TRMT2B: variants seen among roughly 807,000 people sequenced by gnomAD.
TRMT2B encodes tRNA (uracil-5-)-methyltransferase homolog B.
A neutral mutation model predicts 39.7 loss-of-function variants in TRMT2B; 34 were observed. The ratio of observed to expected loss-of-function variants is 0.86; its 90% CI spans 0.65 to 1.14. The LOEUF (loss-of-function observed/expected upper bound fraction) is 1.14. Ranked by LOEUF, TRMT2B falls within the 50% of genes most tolerant of loss-of-function variation. The probability of loss-of-function intolerance (pLI) is 0.00; values close to 1 mark genes in which losing one functional copy is unlikely to be tolerated. For synonymous variants in TRMT2B, 132 were observed against 137.3 expected, an observed-to-expected ratio of 0.96 and a Z score of 0.27; for missense variants, 318 against 377.2, an observed-to-expected ratio of 0.84 and a Z score of 1.30.
intron 13 of TRMT2B, 96 bp from the exon 14 acceptor site, chrX:101,010,803 C>A: frequency 1.2e-6 from 1 of 864,075 alleles, no homozygotes; most frequent in Non-Finnish European, 1.6e-6. Context: ...ACTGTGTTCC[C>A]ACAGGCCCCC....
intron 3 of TRMT2B, among the ~76,000 whole-genome samples, chrX:101,041,773 A>C (rs1291064613): frequency 8.9e-6 from 1 of 111,769 alleles, no homozygotes; most frequent in African/African-American, 3.3e-5. Flanking sequence ...TTTTCAGCAA[A>C]CCTGTCCTGG....
At chrX:101,022,561 C>G (rs1333848575) in intron 8 of TRMT2B, among the ~76,000 whole-genome samples, 2 of 105,885 alleles carry the variant, frequency 1.9e-5, no homozygotes, top group African/African-American at 3.5e-5. Context: ...GCGGAGGTTG[C>G]AGTGAACTGA....
chrX:101,023,023 C>T (rs901356373), intron 8 of TRMT2B, among the ~76,000 whole-genome samples: 18 of 112,012 alleles, frequency 1.6e-4, no homozygotes, highest in African/African-American at 5.8e-4. Flanking sequence ...ATCTTTCCTC[C>T]TGCCTACTTT....
intron 3 of TRMT2B, 64 bp from the exon 4 acceptor site, chrX:101,041,435 A>G: frequency 9.7e-7 from 1 of 1,032,338 alleles, no homozygotes; most frequent in Non-Finnish European, 1.3e-6. Context: ...CCTACTATGC[A>G]TAAGTACTTT....
intron 2 of TRMT2B, among the ~76,000 whole-genome samples, chrX:101,048,666 C>T (rs1046388896): frequency 8.9e-6 from 1 of 112,218 alleles, no homozygotes; most frequent in Non-Finnish European, 1.9e-5. Context: ...TCTCGAACTC[C>T]TGACCTCAAG....
chrX:101,022,713 C>T (rs1462772473), intron 8 of TRMT2B, among the ~76,000 whole-genome samples: 2 of 110,933 alleles, frequency 1.8e-5, no homozygotes, highest in Admixed American at 9.8e-5. Context: ...GGGAAGATTG[C>T]TTGAGCCCAG....
At chrX:101,042,810 C>T (rs931088397) in intron 2 of TRMT2B, among the ~76,000 whole-genome samples, 1 of 111,365 alleles carries the variant, frequency 9.0e-6, no homozygotes, top group African/African-American at 3.3e-5. Context: ...GGCGCTGAGT[C>T]TTTGTTTTTT....
At chrX:100,991,557 G>T in the TRMT2B span, among the ~76,000 whole-genome samples, 1 of 111,052 alleles carries the variant, frequency 9.0e-6, no homozygotes, top group Non-Finnish European at 1.9e-5. Flanking sequence ...TGTATTTTTA[G>T]TAGAGACGGG....
At chrX:100,990,435 G>T in the TRMT2B span, 1 of 966,249 alleles carries the variant, frequency 1.0e-6, no homozygotes, top group Non-Finnish European at 1.3e-6. Context: ...TTCATCTCCA[G>T]AACTATCAGG....
intron 13 of TRMT2B, among the ~76,000 whole-genome samples, chrX:101,015,218 T>C (rs1386914122): frequency 9.0e-6 from 1 of 111,504 alleles, no homozygotes; most frequent in Admixed American, 9.7e-5. Context: ...AGTAACTTTG[T>C]AGATATGTCA....
chrX:101,027,988 T>C (rs1428684674), intron 7 of TRMT2B, among the ~76,000 whole-genome samples: 1 of 109,983 alleles, frequency 9.1e-6, no homozygotes, highest in African/African-American at 3.3e-5. Flanking sequence ...TTTTTATGTA[T>C]ACATTTTGAT....
downstream of TRMT2B, among the ~76,000 whole-genome samples, chrX:101,004,381 C>T (rs2086087282): frequency 1.8e-5 from 2 of 111,151 alleles, no homozygotes; most frequent in South Asian, 3.8e-4. Context: ...TGGTTCTCTA[C>T]GTTACCCAGG....
intron 8 of TRMT2B, among the ~76,000 whole-genome samples, chrX:101,022,658 G>A (rs2148015220): frequency 9.2e-6 from 1 of 109,075 alleles, no homozygotes; most frequent in East Asian, 2.9e-4. Context: ...TTAGCCAGGT[G>A]TGGTGACGTA....
the TRMT2B span, among the ~76,000 whole-genome samples, chrX:100,999,590 A>C: frequency 8.9e-6 from 1 of 112,197 alleles, no homozygotes; most frequent in East Asian, 2.8e-4. Flanking sequence ...GCATATGGGA[A>C]TCACCGGGGA....
intron 2 of TRMT2B, among the ~76,000 whole-genome samples, chrX:101,049,901 G>C (rs1036274561): frequency 8.9e-6 from 1 of 111,947 alleles, no homozygotes; most frequent in African/African-American, 3.2e-5. Flanking sequence ...TGACATGGTG[G>C]GTCTGAGAAG....
At chrX:100,993,201 T>C in the TRMT2B span, among the ~76,000 whole-genome samples, 1 of 112,089 alleles carries the variant, frequency 8.9e-6, no homozygotes, top group African/African-American at 3.2e-5. Context: ...TTGCCCAAGA[T>C]GGTACAGCTG....
At chrX:101,042,423 CACAGCAG>C in intron 2 of TRMT2B, 111 bp from the exon 3 acceptor site, 1 of 829,593 alleles carries the variant, frequency 1.2e-6, no homozygotes, top group South Asian at 2.9e-5. Flanking sequence ...AATGCTGGCA[CACAGCAG>C]ACAGTAAAAG....
At chrX:101,037,586 C>G (rs2087912307) in intron 5 of TRMT2B, 1 of 175,858 alleles carries the variant, frequency 5.7e-6, no homozygotes, top group African/African-American at 3.1e-5. Context: ...AGAAAGGTTT[C>G]CAAAGTTTGG....
At chrX:100,987,651 G>A in the TRMT2B span, 1 of 1,001,042 alleles carries the variant, frequency 1.0e-6, no homozygotes, top group South Asian at 2.3e-5. Context: ...CTTGGATCCT[G>A]GGTGGCATTG....
Sources: gnomAD v4.1 joint callset for allele counts (sites outside exome capture counted in the v4.1 genomes callset) on GRCh38, gnomAD v4.1.1 for gene constraint, MANE v1.5 for transcripts, NCBI Gene and HGNC (gene_info 2026-07-23, HGNC 2026-07-21) for gene names.